The following MFSD6L variants were observed in gnomAD, a reference collection of about 807,000 sequenced individuals.
MFSD6L encodes major facilitator superfamily domain-containing protein 6-like.
A neutral mutation model predicts 6.4 loss-of-function variants in MFSD6L; 9 were observed. That is an observed-to-expected ratio of 1.42 (90% CI 0.85 to 2.47). The LOEUF (loss-of-function observed/expected upper bound fraction) is 2.47, where lower values mean the gene tolerates loss of function less well. Among genes scored for constraint, MFSD6L ranks in the 30% most tolerant of loss-of-function variants. MFSD6L has a pLI of 0.00. For synonymous variants in MFSD6L, 336 were observed against 322.4 expected, an observed-to-expected ratio of 1.04 and a Z score of -0.45; for missense variants, 747 against 730.6, an observed-to-expected ratio of 1.02 and a Z score of -0.26.
At position 8,798,238 on chromosome 17, in the gene MFSD6L, T is replaced by C. The variant is rs200992979; in HGVS notation, c.883A>G (p.Met295Val). 30 of 1,610,266 alleles carry C rather than the reference T, an allele frequency of 1.9e-5. No homozygotes were observed. The East Asian group carries it at 4.9e-4, about 26-fold the overall frequency. The part of the protein sequence containing the change: ...RSLWVWRLLG[M>V]SAGVCGITAL... ...GTGATGCCACACACGCCTGCCGACA[T>C]GCCCAGCAACCTCCAGACCCACAGG... Residue 295 changes from methionine to valine, a missense_variant, in exon 1 of 1, where the codon ATG (methionine) becomes GTG (valine). By Grantham distance (21) the Met-to-Val change is conservative. Transcript: ENST00000329805.
rs2087012155 is a variant in MFSD6L, at chr17:8,797,839, G to A, written c.1282C>T (p.Leu428=). Residue 428 remains leucine, a synonymous_variant, in exon 1 of 1, where the codon CTG becomes TTG. Coordinates refer to ENST00000329805, the MANE Select transcript of MFSD6L (RefSeq NM_152599.4). ...HPFKATLLRK[L]SRTGLVGLGL... is the part of the protein sequence containing the mutation. Reference sequence around the variant, plus strand: ...AGCCCCACCAGGCCCGTCCTGGACAGTTTCCTAAGCAATGTAGCTTTGAAC... The same window carrying A: ...AGCCCCACCAGGCCCGTCCTGGACAATTTCCTAAGCAATGTAGCTTTGAAC... The A allele has an allele frequency of 6.2e-7, 1 of 1,613,882 alleles. No individual in the cohort carries two copies.
rs372535656 is a variant in MFSD6L, at chr17:8,798,468, C to T, written c.653G>A (p.Gly218Glu). 7 of 1,606,986 alleles carry T rather than the reference C, an allele frequency of 4.4e-6. No individual in the cohort carries two copies. The Admixed American group carries it at 5.0e-5, about 12-fold the overall frequency. The change falls in exon 1 of 1, where the codon GGG (glycine) becomes GAG (glutamate). Residue 218 changes from glycine (G) to glutamate (E), a missense_variant. Coordinates refer to ENST00000329805, the MANE Select transcript of MFSD6L (RefSeq NM_152599.4). ...TGACAAATTGGCTGGATTCCCGGGCCCTTTCCCCCCAGGAAGCAAGGGGAG... is the reference window on the plus strand; with the variant it reads ...TGACAAATTGGCTGGATTCCCGGGCTCTTTCCCCCCAGGAAGCAAGGGGAG... Reference protein sequence around the residue: ...TALPLLPGGKGPGNPANLSGT... With the variant: ...TALPLLPGGKEPGNPANLSGT...
rs150313646 is a variant in MFSD6L, at chr17:8,798,819, T to G, written c.302A>C (p.Asp101Ala). 1.6e-4 allele frequency: 255 copies of G among 1,613,990 alleles called. 1 individual carries two copies. In the African/African-American group the frequency reaches 2.9e-3, roughly 18 times the overall value. ...ACAAGGGAAGTGCACCCGATTTTTG[T>G]CTACCGGTGGGACCAGGACCATCAG... ...SLLMVLVPPV[D>A]KNRVHFPCNG... is the part of the protein sequence containing the mutation. Residue 101 changes from aspartate to alanine, a missense_variant, in exon 1 of 1, where the codon GAC becomes GCC. Transcript: ENST00000329805.
At position 8,799,052 on chromosome 17, in the gene MFSD6L, G is replaced by A. The variant is rs2087024292; in HGVS notation, c.69C>T (p.Cys23=). 1.9e-6 allele frequency: 3 copies of A among 1,609,106 alleles called. No individual in the cohort carries two copies. The highest frequency in any genetic ancestry group is 2.5e-6 in the Non-Finnish European group (3 of 1,177,888). Residue 23 remains cysteine (C), a synonymous_variant, in exon 1 of 1, where the codon TGC becomes TGT. Coordinates refer to ENST00000329805, the MANE Select transcript of MFSD6L (RefSeq NM_152599.4). The surrounding 1 kb of genome is among the most constrained non-coding windows in gnomAD (Gnocchi z 5.3). The part of the protein sequence containing the change: ...LGVAKLFHLV[C]GVREACVTPF... ...GGGTCACGCAGGCTTCCCGCACCCCGCACACCAGGTGGAAGAGCTTGGCCA... is the reference window on the plus strand; with the variant it reads ...GGGTCACGCAGGCTTCCCGCACCCCACACACCAGGTGGAAGAGCTTGGCCA...
chr17:8,798,638 G>C lies in MFSD6L; in HGVS notation c.483C>G (p.Asp161Glu), dbSNP rs762783216. 3 of 1,614,096 alleles carry C rather than the reference G, an allele frequency of 1.9e-6. No homozygotes were observed. The highest frequency in any genetic ancestry group is 2.5e-6 in the Non-Finnish European group (3 of 1,180,002). ...PGFRNPPGES[D>E]RETFRDLHVY... Reference sequence around the variant, plus strand: ...CGTGCAGATCACGGAAAGTTTCTCGGTCACTTTCACCAGGTGGGTTTCTGA... The same window carrying C: ...CGTGCAGATCACGGAAAGTTTCTCGCTCACTTTCACCAGGTGGGTTTCTGA... The change falls in exon 1 of 1, where the codon GAC becomes GAG. Residue 161 changes from aspartate (D) to glutamate (E), a missense_variant. Transcript: ENST00000329805.
At position 8,798,350 on chromosome 17, in the gene MFSD6L, C is replaced by T. The variant is rs1408261684; in HGVS notation, c.771G>A (p.Glu257=). ...CCTGCTCCAGAGGCGCTGTCAGCAGCTCCCAGAACGCCACGGACCCCAAGG... is the reference window on the plus strand; with the variant it reads ...CCTGCTCCAGAGGCGCTGTCAGCAGTTCCCAGAACGCCACGGACCCCAAGG... The part of the protein sequence containing the change: ...ILSLGSVAFW[E]LLTAPLEQVA... The change falls in exon 1 of 1, where the codon GAG becomes GAA. Residue 257 remains glutamate, a synonymous_variant. Transcript: ENST00000329805. 6.2e-7 allele frequency: 1 copy of T among 1,611,368 alleles called. No homozygotes were observed. The highest frequency in any genetic ancestry group is 1.7e-5 in the Admixed American group (1 of 60,024).
chr17:8,798,595 C>G lies in MFSD6L; in HGVS notation c.526G>C (p.Val176Leu), dbSNP rs1378012539. 3.7e-6 allele frequency: 6 copies of G among 1,614,030 alleles called. No homozygotes were observed. The South Asian group carries it at 6.6e-5, about 18-fold the overall frequency. ...TGGGATGTGGTCCTAGCTCCTTCAA[C>G]GGAGGGCGCTAAGTAGACGTGCAGA... is the stretch of plus-strand genomic sequence containing the variant. ...RDLHVYLAPS[V>L]EGARTTSQAL... Residue 176 changes from valine (V) to leucine (L), a missense_variant, in exon 1 of 1, where the codon GTT becomes CTT. Coordinates refer to ENST00000329805, the MANE Select transcript of MFSD6L (RefSeq NM_152599.4).
Position 8,799,260 on chromosome 17 carries a change from G to T in MFSD6L, c.-140C>A. The T allele has an allele frequency of 1.5e-6, 1 of 681,032 alleles. No individual in the cohort carries two copies. Among genetic ancestry groups the T allele is most frequent in the Non-Finnish European group, 2.2e-6 (1 of 460,002 alleles). 42.2% of individuals were successfully genotyped at this position (681,032 alleles called of 1,614,324 possible). On this transcript the variant is annotated 5_prime_UTR_variant, in exon 1 of 1. Coordinates refer to ENST00000329805, the MANE Select transcript of MFSD6L (RefSeq NM_152599.4). This position sits in a 1 kb window ranked among gnomAD's most constrained non-coding sequence, Gnocchi z 5.3. ...GACTGCGCCCCCGGTCTGGGGCGGC[G>T]CCGCGGTCACCAGGTCAACGGCCGC...
rs774885541 is a variant in MFSD6L, at chr17:8,797,585, G to A, written c.1536C>T (p.Gly512=). 17 of 1,613,358 alleles carry A rather than the reference G, an allele frequency of 1.1e-5. No homozygotes were observed. Among genetic ancestry groups the A allele is most frequent in the Non-Finnish European group, 1.3e-5 (15 of 1,179,816 alleles). The change falls in exon 1 of 1, where the codon GGC becomes GGT. Residue 512 remains glycine (G), a synonymous_variant. Coordinates refer to ENST00000329805, the MANE Select transcript of MFSD6L (RefSeq NM_152599.4). The part of the protein sequence containing the change: ...SGCSLGSFVG[G]FVVMRFSLAV... Reference sequence around the variant, plus strand: ...CCAGGCTGAAGCGCATCACCACGAAGCCCCCGACAAAGCTGCCCAGGCTAC... The same window carrying A: ...CCAGGCTGAAGCGCATCACCACGAAACCCCCGACAAAGCTGCCCAGGCTAC...
chr17:8,798,124 G>A lies in MFSD6L; in HGVS notation c.997C>T (p.Leu333=), dbSNP rs774603986. The change falls in exon 1 of 1, where the codon CTG becomes TTG. Residue 333 remains leucine, a synonymous_variant. Transcript: ENST00000329805. The part of the protein sequence containing the change: ...HFYGYSVVST[L]ALLVSIAFPI... ...AAGGCAATGCTCACCAGTAAGGCCA[G>A]GGTGCTGACCACCGAGTACCCATAG... is the stretch of plus-strand genomic sequence containing the variant. 1 of 1,613,718 alleles carries A rather than the reference G, an allele frequency of 6.2e-7. No homozygotes were observed. The highest frequency in any genetic ancestry group is 8.5e-7 in the Non-Finnish European group (1 of 1,180,010).
Position 8,798,527 on chromosome 17 carries a change from G to C in MFSD6L, c.594C>G (p.Pro198=), listed in dbSNP as rs368889533. The C allele has an allele frequency of 1.2e-5, 20 of 1,613,504 alleles. No individual in the cohort carries two copies. The African/African-American group carries it at 2.7e-4, about 22-fold the overall frequency. The change falls in exon 1 of 1, where the codon CCC becomes CCG. Residue 198 remains proline (P), a synonymous_variant. Coordinates refer to ENST00000329805, the MANE Select transcript of MFSD6L (RefSeq NM_152599.4). ...HPVTSGLKDH[P]WEVTFEVVKT... The stretch of plus-strand genomic sequence containing the variant: ...TGACCACCTCAAAAGTAACTTCCCA[G>C]GGATGATCTTTCAGCCCCGAAGTGA...
Position 8,799,313 on chromosome 17 carries a change from G to A in MFSD6L, c.-193C>T. On this transcript the variant is annotated 5_prime_UTR_variant, in exon 1 of 1. It adds an upstream start codon to the 5' untranslated region. Transcript: ENST00000329805. The surrounding 1 kb of genome is among the most constrained non-coding windows in gnomAD (Gnocchi z 5.3). ...CCGGCCACAGCCCCCAGGTCCTGCC[G>A]TTGGACCGAAAGGGGCCCCGCCCGG... The A allele has an allele frequency of 2.3e-6, 1 of 433,122 alleles. No individual in the cohort carries two copies. Among genetic ancestry groups the A allele is most frequent in the Non-Finnish European group, 3.9e-6 (1 of 256,454 alleles). 26.8% of individuals were successfully genotyped at this position (433,122 alleles called of 1,614,324 possible). A position where few individuals can be genotyped will look rare whatever the true frequency, so the allele number is the denominator to read the frequency against.
rs2087006504 is a variant in MFSD6L at position 8,797,288 on chromosome 17, CT to C, written c.*71del. The C allele has an allele frequency of 1.4e-6, 2 of 1,460,280 alleles. No individual in the cohort carries two copies. The highest frequency in any genetic ancestry group is 4.6e-5 in the East Asian group (2 of 43,326). 90.5% of individuals were successfully genotyped at this position (1,460,280 alleles called of 1,614,324 possible). A position where few individuals can be genotyped will look rare whatever the true frequency, so the allele number is the denominator to read the frequency against. On this transcript the variant is annotated 3_prime_UTR_variant, in exon 1 of 1. Coordinates refer to ENST00000329805, the MANE Select transcript of MFSD6L (RefSeq NM_152599.4). Reference sequence around the variant, plus strand: ...CAGCAGTCCAGGGCAGGTTTCTGTCCTCAGCAGGCTGAGTTTTGTTCAGTCC... The same window carrying C: ...CAGCAGTCCAGGGCAGGTTTCTGTCCCAGCAGGCTGAGTTTTGTTCAGTCC...
chr17:8,798,011 G>A lies in MFSD6L; in HGVS notation c.1110C>T (p.Leu370=). 2 of 1,614,034 alleles carry A rather than the reference G, an allele frequency of 1.2e-6. No individual in the cohort carries two copies. The highest frequency in any genetic ancestry group is 1.7e-6 in the Non-Finnish European group (2 of 1,180,028). The change falls in exon 1 of 1, where the codon CTC becomes CTT. Residue 370 remains leucine (L), a synonymous_variant. Coordinates refer to ENST00000329805, the MANE Select transcript of MFSD6L (RefSeq NM_152599.4). Reference sequence around the variant, plus strand: ...CTACCAAAACAGTGGTGGAGGCGAGGAGAATGAGGTGGGGGTCACCCCCCA... The same window carrying A: ...CTACCAAAACAGTGGTGGAGGCGAGAAGAATGAGGTGGGGGTCACCCCCCA... The part of the protein sequence containing the change: ...SIVGGDPHLI[L]LASTTVLVGA...
rs1290952193 is a variant in MFSD6L at position 8,798,847 on chromosome 17, G to C, written c.274C>G (p.Leu92Val). 1 of 1,614,014 alleles carries C rather than the reference G, an allele frequency of 6.2e-7. No individual in the cohort carries two copies. The highest frequency in any genetic ancestry group is 1.7e-5 in the Admixed American group (1 of 60,022). Residue 92 changes from leucine (L) to valine (V), a missense_variant, in exon 1 of 1, where the codon CTG (leucine) becomes GTG (valine). Physicochemically the swap from Leu to Val is conservative, Grantham distance 32. Transcript: ENST00000329805. ...GSLLGSVGAS[L>V]LMVLVPPVDK... ...ACCGGTGGGACCAGGACCATCAGCA[G>C]GCTGGCCCCCACCGAGCCGAGCAGG...
At position 8,797,682 on chromosome 17, in the gene MFSD6L, T is replaced by C. The variant is rs1282710053; in HGVS notation, c.1439A>G (p.Glu480Gly). Residue 480 changes from glutamate (E) to glycine (G), a missense_variant, in exon 1 of 1, where the codon GAG (glutamate) becomes GGG (glycine). Physicochemically the swap from Glu to Gly is moderately conservative, Grantham distance 98. Transcript: ENST00000329805. ...CTCCATGCGGGGAGTGGCCAGGTCC[T>C]CTACTGAGGCCCCCACAGCCCACCA... The part of the protein sequence containing the change: ...ALWWAVGASV[E>G]DLATPRMERA... 1.2e-6 allele frequency: 2 copies of C among 1,613,530 alleles called. No individual in the cohort carries two copies. Among genetic ancestry groups the C allele is most frequent in the South Asian group, 1.1e-5 (1 of 91,092 alleles).
In MFSD6L at chr17:8,798,274, G is replaced by C. The variant is rs1199410907; in HGVS notation, c.847C>G (p.Arg283Gly). Residue 283 changes from arginine (R) to glycine (G), a missense_variant, in exon 1 of 1, where the codon CGA becomes GGA. Coordinates refer to ENST00000329805, the MANE Select transcript of MFSD6L (RefSeq NM_152599.4). ...CTCCAGACCCACAGGCTTCTGTATCGGTCAGTGGCATCCACAAAATCCAGG... is the reference window on the plus strand; with the variant it reads ...CTCCAGACCCACAGGCTTCTGTATCCGTCAGTGGCATCCACAAAATCCAGG... ...EFLDFVDATD[R>G]YRSLWVWRLL... 6.2e-7 allele frequency: 1 copy of C among 1,608,010 alleles called. No individual in the cohort carries two copies. Among genetic ancestry groups the C allele is most frequent in the East Asian group, 2.2e-5 (1 of 44,870 alleles).
Position 8,798,552 on chromosome 17 carries a change from AC to A in MFSD6L, c.568del (p.Val190SerfsTer5), listed in dbSNP as rs1346828896. 1 of 1,613,934 alleles carries A rather than the reference AC, an allele frequency of 6.2e-7. No individual in the cohort carries two copies. The highest frequency in any genetic ancestry group is 1.3e-5 in the African/African-American group (1 of 74,918). The stretch of plus-strand genomic sequence containing the variant: ...GGGATGATCTTTCAGCCCCGAAGTG[AC>A]AGGATGGAGGAGAGCTTGGGATGTG... ...RTTSQALLHP[V>X]TSGLKDHPWE... is the part of the protein sequence containing the mutation. On this transcript the variant is annotated frameshift_variant, in exon 1 of 1. Transcript: ENST00000329805. LOFTEE classifies it low-confidence loss of function (END_TRUNC).
At position 8,798,596 on chromosome 17, in the gene MFSD6L, G is replaced by C. The variant is rs758816578; in HGVS notation, c.525C>G (p.Ser175=). ...FRDLHVYLAP[S]VEGARTTSQA... ...GGGATGTGGTCCTAGCTCCTTCAACGGAGGGCGCTAAGTAGACGTGCAGAT... is the reference window on the plus strand; with the variant it reads ...GGGATGTGGTCCTAGCTCCTTCAACCGAGGGCGCTAAGTAGACGTGCAGAT... Residue 175 remains serine (S), a synonymous_variant, in exon 1 of 1, where the codon TCC becomes TCG. Transcript: ENST00000329805. The C allele has an allele frequency of 6.2e-7, 1 of 1,614,194 alleles. No individual in the cohort carries two copies. The highest frequency in any genetic ancestry group is 8.5e-7 in the Non-Finnish European group (1 of 1,180,036).
Sources: allele counts gnomAD v4.1 joint callset, GRCh38; gene constraint gnomAD v4.1.1; non-coding constraint Gnocchi (gnomAD v3.1); transcripts MANE v1.5; gene names NCBI Gene and HGNC (gene_info 2026-07-23, HGNC 2026-07-21).